PLEK2: variants seen among roughly 807,000 people sequenced by gnomAD.
PLEK2 encodes the protein pleckstrin 2.
In PLEK2, 29 loss-of-function variants were observed where a neutral mutation model predicts 43.8. The ratio of observed to expected loss-of-function variants is 0.66; its 90% CI spans 0.49 to 0.90. The LOEUF (loss-of-function observed/expected upper bound fraction) is 0.90. Among genes scored for constraint, PLEK2 ranks in the 40% least tolerant of loss-of-function variants. PLEK2 has a pLI of 0.00. For missense variants in PLEK2, 398 were observed against 448.1 expected (o/e 0.89, Z 1.01); for synonymous variants, 162 against 173.2 (o/e 0.94, Z 0.51).
At chr14:67,393,957 C>T (rs2085988400) in intron 3 of PLEK2, among the ~76,000 whole-genome samples, 1 of 152,156 alleles carries the variant, frequency 6.6e-6, no homozygotes, top group African/African-American at 2.4e-5. Context: ...TGTCTCTAGG[C>T]CAGCAGGGAC....
intron 1 of PLEK2, among the ~76,000 whole-genome samples, chr14:67,401,791 A>T (rs1425845562): frequency 6.6e-6 from 1 of 152,140 alleles, no homozygotes; most frequent in Non-Finnish European, 1.5e-5. Context: ...GACTAGTGAT[A>T]TAAGAGGAGA....
chr14:67,395,477 G>T lies in PLEK2; in HGVS notation c.314C>A (p.Ala105Glu), dbSNP rs764451131. 18 of 1,613,946 alleles carry T rather than the reference G, an allele frequency of 1.1e-5. No individual in the cohort carries two copies. Among genetic ancestry groups the T allele is most frequent in the Non-Finnish European group, 1.5e-5 (18 of 1,179,952 alleles). The change falls in exon 3 of 9, where the codon GCA (alanine) becomes GAA (glutamate). Residue 105 changes from alanine to glutamate, a missense_variant. Physicochemically the swap from Ala to Glu is moderately radical, Grantham distance 107. Coordinates refer to ENST00000216446, the MANE Select transcript of PLEK2 (RefSeq NM_016445.3). Reference protein sequence around the residue: ...WAFEITGAIHAGQPGKVQQLH... With the variant: ...WAFEITGAIHEGQPGKVQQLH... ...CTGCTGGACCTTCCCCGGCTGCCCT[G>T]CATGAATAGCCCCGGTGATCTCAAA...
Position 67,412,080 on chromosome 14 carries a change from G to A in PLEK2, c.-21C>T. On this transcript the variant is annotated 5_prime_UTR_variant, in exon 1 of 9. Coordinates refer to ENST00000216446, the MANE Select transcript of PLEK2 (RefSeq NM_016445.3). The stretch of plus-strand genomic sequence containing the variant: ...TCCATGTCGCCGCCCGCACGCCAGG[G>A]CCACCCCAGGTGCGCCTTCCCCGCG... 3 of 1,526,236 alleles carry A rather than the reference G, an allele frequency of 2.0e-6. No individual in the cohort carries two copies. Among genetic ancestry groups the A allele is most frequent in the Non-Finnish European group, 2.6e-6 (3 of 1,140,050 alleles). 94.5% of individuals were successfully genotyped at this position (1,526,236 alleles called of 1,614,324 possible).
rs188502507 is a variant in PLEK2, at chr14:67,412,045, C to T, written c.15G>A (p.Val5=). 1.3e-5 allele frequency: 21 copies of T among 1,556,040 alleles called. No homozygotes were observed. In the East Asian group the frequency reaches 4.7e-4, roughly 35 times the overall value. Residue 5 remains valine (V), a synonymous_variant, in exon 1 of 9, where the codon GTG becomes GTA. Transcript: ENST00000216446. The part of the protein sequence containing the change: MEDG[V]LKEGFLVKRG... Reference sequence around the variant, plus strand: ...TCTTGACCAGGAAGCCCTCCTTGAGCACGCCGTCCTCCATGTCGCCGCCCG... The same window carrying T: ...TCTTGACCAGGAAGCCCTCCTTGAGTACGCCGTCCTCCATGTCGCCGCCCG...
At chr14:67,395,169 A>G (rs968538492) in intron 3 of PLEK2, among the ~76,000 whole-genome samples, 5 of 152,206 alleles carry the variant, frequency 3.3e-5, no homozygotes, top group African/African-American at 1.2e-4. Flanking sequence ...GGAGGTGTGC[A>G]GAGGTGGCAA....
At position 67,387,331 on chromosome 14, in the gene PLEK2, A is replaced by T. The variant is rs1287561567; in HGVS notation, c.1060T>A (p.Ter354ArgextTer26). 6.2e-7 allele frequency: 1 copy of T among 1,609,350 alleles called. No homozygotes were observed. The highest frequency in any genetic ancestry group is 8.5e-7 in the Non-Finnish European group (1 of 1,178,510). Residue 354 changes from the stop codon to arginine, a stop_lost, in exon 9 of 9, where the codon TGA becomes AGA. Coordinates refer to ENST00000216446, the MANE Select transcript of PLEK2 (RefSeq NM_016445.3). ...ATCCTGGTTCCCTCAGGTCCTTGTC[A>T]TGTTAGCTTTTTGATAGCTTCAATC... ...EWIEAIKKLT[*>R]
At chr14:67,397,598 A>G in intron 2 of PLEK2, 64 bp downstream of exon 2, 1 of 1,391,328 alleles carries the variant, frequency 7.2e-7, no homozygotes, top group East Asian at 2.4e-5. Context: ...CACTTTCCCA[A>G]AGAGGCCAGA....
chr14:67,398,025 C>T (rs2086023383), intron 1 of PLEK2, 199 bp from the exon 2 acceptor site: 1 of 403,886 alleles, frequency 2.5e-6, no homozygotes, highest in Non-Finnish European at 4.4e-6. Context: ...TCCTATTTGG[C>T]CATTTCTCTG....
At chr14:67,387,560 T>A in intron 8 of PLEK2, 104 bp from the exon 9 acceptor site, 1 of 1,149,508 alleles carries the variant, frequency 8.7e-7, no homozygotes, top group Non-Finnish European at 1.2e-6. Flanking sequence ...AAACATACAA[T>A]GATGTATTTA....
chr14:67,392,355 C>T lies in PLEK2; in HGVS notation c.742G>A (p.Val248Met). 2 of 1,613,070 alleles carry T rather than the reference C, an allele frequency of 1.2e-6. No individual in the cohort carries two copies. The highest frequency in any genetic ancestry group is 1.3e-5 in the African/African-American group (1 of 75,028). ...TTGGCCAGGTAGCCTTGTTTCACCA[C>T]CGTGCCACTTAACTCCACAGTGCTC... The part of the protein sequence containing the change: ...SLSTVELSGT[V>M]VKQGYLAKQG... Residue 248 changes from valine to methionine, a missense_variant, in exon 6 of 9, where the codon GTG (valine) becomes ATG (methionine). By Grantham distance (21) the Val-to-Met change is conservative. Transcript: ENST00000216446.
At chr14:67,411,784 C>A (rs1365934980) in intron 1 of PLEK2, among the ~76,000 whole-genome samples, 1 of 152,262 alleles carries the variant, frequency 6.6e-6, no homozygotes, top group Admixed American at 6.5e-5. Flanking sequence ...CTCCATACTG[C>A]GCTAACCAAG....
In PLEK2 at chr14:67,397,820, T is replaced by G; in HGVS notation, c.49A>C (p.Ile17Leu). The change falls in exon 2 of 9, where the codon ATT becomes CTT. Residue 17 changes from isoleucine (I) to leucine (L), a missense_variant. By Grantham distance (5) the Ile-to-Leu change is conservative. Coordinates refer to ENST00000216446, the MANE Select transcript of PLEK2 (RefSeq NM_016445.3). ...CATCGCGCCTTCCAGTTGTGGACAATGTGGCCCTATGGACAGACAAGAAAG... is the reference window on the plus strand; with the variant it reads ...CATCGCGCCTTCCAGTTGTGGACAAGGTGGCCCTATGGACAGACAAGAAAG... Reference protein sequence around the residue: ...KEGFLVKRGHIVHNWKARWFI... With the variant: ...KEGFLVKRGHLVHNWKARWFI... 1 of 1,609,744 alleles carries G rather than the reference T, an allele frequency of 6.2e-7. No individual in the cohort carries two copies. Among genetic ancestry groups the G allele is most frequent in the Non-Finnish European group, 8.5e-7 (1 of 1,177,948 alleles).
In PLEK2 at chr14:67,412,015, C is replaced by T. The variant is rs372468912; in HGVS notation, c.42+3G>A. The T allele has an allele frequency of 6.4e-7, 1 of 1,552,616 alleles. No homozygotes were observed. The highest frequency in any genetic ancestry group is 1.2e-5 in the South Asian group (1 of 83,918). ...AATGTCCCGAAGCTCGACGCGCACT[C>T]ACCCTCTTGACCAGGAAGCCCTCCT... On this transcript the variant is annotated splice_donor_region_variant and intron_variant, in intron 1 of 8. Transcript: ENST00000216446.
intron 8 of PLEK2, among the ~76,000 whole-genome samples, chr14:67,387,957 A>G (rs575925416): frequency 2.0e-5 from 3 of 152,286 alleles, no homozygotes; most frequent in South Asian, 2.1e-4. Context: ...AGCCTCACCT[A>G]TTATTTTTAG....
At chr14:67,410,415 T>C (rs963954523) in intron 1 of PLEK2, among the ~76,000 whole-genome samples, 2 of 152,106 alleles carry the variant, frequency 1.3e-5, no homozygotes, top group African/African-American at 4.8e-5. Context: ...CAAGCCGCAG[T>C]TAAATGTGAG....
At chr14:67,387,545 G>A in intron 8 of PLEK2, 89 bp from the exon 9 acceptor site, 1 of 1,283,730 alleles carries the variant, frequency 7.8e-7, no homozygotes, top group Non-Finnish European at 1.1e-6. Context: ...CTGAGACATG[G>A]ACAAAAACAT....
intron 2 of PLEK2, 119 bp downstream of exon 2, chr14:67,397,543 C>G: frequency 2.4e-6 from 2 of 819,494 alleles, no homozygotes; most frequent in Non-Finnish European, 3.7e-6. Flanking sequence ...GGATTTGAAT[C>G]CAAGTTTTTC....
intron 7 of PLEK2, among the ~76,000 whole-genome samples, chr14:67,390,227 T>C (rs1431242230): frequency 6.6e-6 from 1 of 152,144 alleles, no homozygotes; most frequent in Non-Finnish European, 1.5e-5. Flanking sequence ...GGCTTAAATA[T>C]TATATGGTGA....
At chr14:67,407,482 C>T (rs913063032) in intron 1 of PLEK2, among the ~76,000 whole-genome samples, 12 of 151,670 alleles carry the variant, frequency 7.9e-5, no homozygotes, top group African/African-American at 2.9e-4. Flanking sequence ...ATTTGGTTGC[C>T]GAGGCTGGAG....
Sources: gnomAD v4.1 joint callset for allele counts (sites outside exome capture counted in the v4.1 genomes callset) on GRCh38, gnomAD v4.1.1 for gene constraint, MANE v1.5 for transcripts, NCBI Gene and HGNC (gene_info 2026-07-23, HGNC 2026-07-21) for gene names.